FRMD4A: variants seen among roughly 807,000 people sequenced by gnomAD.
FRMD4A encodes the protein FERM domain-containing protein 4A.
FRMD4A carries 29 observed loss-of-function variants against 129.1 expected under a neutral mutation model. The ratio of observed to expected loss-of-function variants is 0.22; its 90% CI spans 0.17 to 0.31. The LOEUF (loss-of-function observed/expected upper bound fraction) is 0.31, where lower values mean the gene tolerates loss of function less well. Ranked by LOEUF, FRMD4A falls within the 10% of genes least tolerant of loss-of-function variation. The probability of loss-of-function intolerance (pLI) is 1.00; values close to 1 mark genes in which losing one functional copy is unlikely to be tolerated. For synonymous variants in FRMD4A, 634 were observed against 571.6 expected, an observed-to-expected ratio of 1.11 and a Z score of -1.56; for missense variants, 1,272 against 1,375.8, an observed-to-expected ratio of 0.92 and a Z score of 1.19.
chr10:13,701,618 G>A (rs992244253), intron 13 of FRMD4A, 140 bp from the exon 14 acceptor site: 10 of 692,748 alleles, frequency 1.4e-5, no homozygotes, highest in Non-Finnish European at 2.5e-5. Flanking sequence ...CATACACCTA[G>A]GCGTACACAC....
intron 15 of FRMD4A, among the ~76,000 whole-genome samples, chr10:13,687,023 G>A (rs1333083026): frequency 6.6e-6 from 1 of 152,124 alleles, no homozygotes; most frequent in Non-Finnish European, 1.5e-5. Flanking sequence ...AGGTGTGGTG[G>A]CTCAAGCCTG....
intron 2 of FRMD4A, among the ~76,000 whole-genome samples, chr10:14,065,266 C>A (rs1464495010): frequency 6.6e-6 from 1 of 152,204 alleles, no homozygotes; most frequent in Non-Finnish European, 1.5e-5. Context: ...TCACTGCAAC[C>A]TCTGCCTCCT....
chr10:14,158,208 A>G (rs1840696839), intron 2 of FRMD4A, among the ~76,000 whole-genome samples: 2 of 152,164 alleles, frequency 1.3e-5, no homozygotes, highest in Non-Finnish European at 2.9e-5. Context: ...GCATAATTAG[A>G]TTTGTGTTTC....
At chr10:13,855,208 A>C (rs1017514350) in intron 3 of FRMD4A, among the ~76,000 whole-genome samples, 3 of 152,112 alleles carry the variant, frequency 2.0e-5, no homozygotes, top group Non-Finnish European at 2.9e-5. Context: ...GGAGTGGCCG[A>C]GTTTACAGTG....
At chr10:14,017,216 AC>A (rs1374485170) in intron 2 of FRMD4A, among the ~76,000 whole-genome samples, 2 of 152,156 alleles carry the variant, frequency 1.3e-5, no homozygotes, top group African/African-American at 4.8e-5. Flanking sequence ...ATGTGATTAA[AC>A]GGGTAATAAG....
chr10:13,751,952 A>C (rs2091647237), intron 8 of FRMD4A, among the ~76,000 whole-genome samples: 1 of 152,070 alleles, frequency 6.6e-6, no homozygotes. Flanking sequence ...GGAGTTTGAC[A>C]TTAGAGTGAG....
chr10:13,905,711 C>T (rs956547996), intron 2 of FRMD4A, among the ~76,000 whole-genome samples: 2 of 152,148 alleles, frequency 1.3e-5, no homozygotes, highest in African/African-American at 4.8e-5. Context: ...AATGGAGGCT[C>T]AGAAACACTA....
In FRMD4A at chr10:14,250,484, G is replaced by A. The variant is rs12260715; in HGVS notation, c.45+79574C>T. ...CAATTAAGGGGAAAAGATTAAGGCT[G>A]TAATCCTGGGATGTTATCAAGTCTA... On this transcript the variant is annotated intron_variant, in intron 2 of 24. Coordinates refer to ENST00000357447, the MANE Select transcript of FRMD4A (RefSeq NM_018027.5). Among the ~76,000 whole-genome samples, 954 of 152,306 alleles carry A rather than the reference G, an allele frequency of 6.3e-3. 10 individuals are homozygous for A. Among genetic ancestry groups the A allele is most frequent in the South Asian group, 0.048 (233 of 4,816 alleles).
chr10:14,166,064 G>C lies in FRMD4A; in HGVS notation c.45+163994C>G, dbSNP rs531124355. On this transcript the variant is annotated intron_variant, in intron 2 of 24. Coordinates refer to ENST00000357447, the MANE Select transcript of FRMD4A (RefSeq NM_018027.5). ...TCAATAAATGGCAATTACTATTATA[G>C]TTACTAATAAAATATTATCTTAAAA... Among the ~76,000 whole-genome samples the C allele has an allele frequency of 8.6e-4, 130 of 151,622 alleles. 1 individual carries two copies. The highest frequency in any genetic ancestry group is 3.1e-3 in the African/African-American group (128 of 41,390).
intron 2 of FRMD4A, among the ~76,000 whole-genome samples, chr10:14,055,437 CT>C (rs1337909659): frequency 8.9e-5 from 8 of 89,908 alleles, no homozygotes; most frequent in South Asian, 4.2e-4. Flanking sequence ...GCTGATCTAG[CT>C]ACACACACAC....
At chr10:14,206,445 A>C (rs117373205) in intron 2 of FRMD4A, among the ~76,000 whole-genome samples, 4,667 of 152,164 alleles carry the variant, frequency 0.031, 101 homozygotes, top group Non-Finnish European at 0.048. Context: ...TTTATTCTTT[A>C]TTTCTTGTCA....
chr10:13,956,313 C>A (rs542071190), intron 2 of FRMD4A, among the ~76,000 whole-genome samples: 1 of 152,236 alleles, frequency 6.6e-6, no homozygotes, highest in Non-Finnish European at 1.5e-5. Context: ...CCACCACACC[C>A]GGCTAATTTT....
intron 2 of FRMD4A, among the ~76,000 whole-genome samples, chr10:14,316,532 A>C (rs889337904): frequency 6.6e-6 from 1 of 150,862 alleles, no homozygotes; most frequent in Non-Finnish European, 1.5e-5. Context: ...AAAAAGAAGA[A>C]GAAGAAGAAG....
chr10:13,961,136 C>T (rs1025259894), intron 2 of FRMD4A, among the ~76,000 whole-genome samples: 4 of 152,186 alleles, frequency 2.6e-5, no homozygotes, highest in African/African-American at 4.8e-5. Context: ...TCCTTCCAAA[C>T]GGTATGCTCT....
At chr10:14,184,674 G>T (rs549025556) in intron 2 of FRMD4A, among the ~76,000 whole-genome samples, 1 of 152,246 alleles carries the variant, frequency 6.6e-6, no homozygotes, top group East Asian at 1.9e-4. Flanking sequence ...GCAGAGCATG[G>T]CTTCTGTTTC....
At chr10:13,952,900 T>C (rs543332417) in intron 2 of FRMD4A, among the ~76,000 whole-genome samples, 1 of 152,200 alleles carries the variant, frequency 6.6e-6, no homozygotes, top group South Asian at 2.1e-4. Flanking sequence ...TTCGCCATGT[T>C]GTCCAGACTG....
At chr10:13,840,566 A>G (rs1260498199) in intron 3 of FRMD4A, among the ~76,000 whole-genome samples, 1 of 121,460 alleles carries the variant, frequency 8.2e-6, no homozygotes, top group Non-Finnish European at 1.8e-5. Context: ...AGGTGGGTGG[A>G]TCACTTGAGG....
chr10:14,121,014 C>T (rs1158878960), intron 2 of FRMD4A, among the ~76,000 whole-genome samples: 1 of 152,178 alleles, frequency 6.6e-6, no homozygotes, highest in East Asian at 1.9e-4. Flanking sequence ...CAGTATGCCT[C>T]ACCCTGTCAT....
At chr10:13,990,717 C>T (rs559084988) in intron 2 of FRMD4A, among the ~76,000 whole-genome samples, 50 of 152,296 alleles carry the variant, frequency 3.3e-4, no homozygotes, top group African/African-American at 1.2e-3. Flanking sequence ...AGGACGGTGA[C>T]CTCTCCGATC....
Sources: allele counts gnomAD v4.1 joint callset (sites outside exome capture counted in the v4.1 genomes callset), GRCh38; gene constraint gnomAD v4.1.1; transcripts MANE v1.5; gene names NCBI Gene and HGNC (gene_info 2026-07-23, HGNC 2026-07-21).